C12orf42: variants seen among roughly 807,000 people sequenced by gnomAD.
C12orf42 encodes the protein uncharacterized protein C12orf42.
C12orf42 carries 25 observed loss-of-function variants against 21.6 expected under a neutral mutation model. The observed-to-expected ratio is 1.16, with a 90% CI of 0.84 to 1.62. The LOEUF (loss-of-function observed/expected upper bound fraction) is 1.62, where lower values mean the gene tolerates loss of function less well. C12orf42 is among the 40% of genes most tolerant of loss of function. The pLI, the probability that C12orf42 is intolerant of heterozygous loss-of-function variation, is 0.00. For synonymous variants in C12orf42, 174 were observed against 175.0 expected (o/e 0.99, Z 0.05); for missense variants, 483 against 459.3 (o/e 1.05, Z -0.47).
the C12orf42 span, among the ~76,000 whole-genome samples, chr12:103,228,696 C>T: frequency 6.6e-6 from 1 of 152,004 alleles, no homozygotes; most frequent in African/African-American, 2.4e-5. Context: ...TGTAAATTTA[C>T]ATATTTCCCT....
At chr12:103,137,767 G>A in the C12orf42 span, among the ~76,000 whole-genome samples, 17 of 152,230 alleles carry the variant, frequency 1.1e-4, no homozygotes, top group African/African-American at 3.4e-4. Context: ...AATAAGCCAC[G>A]CAGAGAAAGA....
chr12:103,533,523 G>C, the C12orf42 span, among the ~76,000 whole-genome samples: 1 of 152,272 alleles, frequency 6.6e-6, no homozygotes, highest in South Asian at 2.1e-4. Context: ...GCCATGCCAG[G>C]CATGGTCTGG....
chr12:103,401,004 G>A (rs17033840), intron 3 of C12orf42, among the ~76,000 whole-genome samples: 22,827 of 152,008 alleles, frequency 0.15, 1,806 homozygotes, highest in African/African-American at 0.2. Flanking sequence ...ACAAAGCTCC[G>A]GTGGGACTGA....
At chr12:103,277,190 T>A (rs777211804) in exon 5 of C12orf42, 9 of 454,464 alleles carry the variant, frequency 2.0e-5, no homozygotes, top group Non-Finnish European at 4.0e-5. Flanking sequence ...AATTTCTGTG[T>A]GGCCTGTCCA....
chr12:103,478,504 T>C, intron 1 of C12orf42, 57 bp from the exon 2 acceptor site: 1 of 777,328 alleles, frequency 1.3e-6, no homozygotes, highest in Non-Finnish European at 2.0e-6. Context: ...ATGATAATAT[T>C]AGAGAAAAAA....
chr12:103,248,136 G>T (rs1295597083), intron 10 of C12orf42, among the ~76,000 whole-genome samples: 1 of 151,924 alleles, frequency 6.6e-6, no homozygotes, highest in Admixed American at 6.6e-5. Context: ...CTGTGCTTAA[G>T]ACCTAAAATT....
downstream of C12orf42, among the ~76,000 whole-genome samples, chr12:103,266,487 T>C (rs914871188): frequency 7.9e-5 from 12 of 152,260 alleles, no homozygotes; most frequent in African/African-American, 2.4e-4. Context: ...AGTAGCTATA[T>C]TTGTACCCCT....
the C12orf42 span, among the ~76,000 whole-genome samples, chr12:103,076,413 A>G: frequency 0.023 from 3,426 of 152,038 alleles, 56 homozygotes; most frequent in African/African-American, 0.044. Context: ...GCCTACCACC[A>G]TCATGTTGGC....
intron 2 of C12orf42, among the ~76,000 whole-genome samples, chr12:103,467,926 T>C (rs1373639967): frequency 6.6e-6 from 1 of 152,250 alleles, no homozygotes; most frequent in Admixed American, 6.5e-5. Context: ...ATTCTACCTA[T>C]ATGCAGATTA....
At chr12:103,252,715 T>C (rs971514934) in intron 10 of C12orf42, among the ~76,000 whole-genome samples, 1 of 152,220 alleles carries the variant, frequency 6.6e-6, no homozygotes, top group Non-Finnish European at 1.5e-5. Context: ...AATGAATAGA[T>C]TGCAAAAATT....
the C12orf42 span, among the ~76,000 whole-genome samples, chr12:103,507,946 G>A: frequency 2.0e-5 from 3 of 152,238 alleles, no homozygotes; most frequent in South Asian, 4.1e-4. Context: ...CCCGACTACC[G>A]TAGCTATTCA....
chr12:103,137,957 C>T, the C12orf42 span, among the ~76,000 whole-genome samples: 4 of 151,840 alleles, frequency 2.6e-5, no homozygotes, highest in African/African-American at 9.7e-5. Flanking sequence ...TGTTTGATAG[C>T]AGAGTATAAT....
chr12:103,339,478 T>A (rs2374243), intron 4 of C12orf42, among the ~76,000 whole-genome samples: 18,988 of 152,232 alleles, frequency 0.12, 1,490 homozygotes, highest in African/African-American at 0.23. Flanking sequence ...TCTGTGTTAG[T>A]TTGCTAAAGA....
At position 103,255,794 on chromosome 12, in the gene C12orf42, G is replaced by A. The variant is rs548787732; in HGVS notation, c.*1366+7532C>T. Among the ~76,000 whole-genome samples the A allele has an allele frequency of 2.6e-5, 4 of 151,618 alleles. No homozygotes were observed. The East Asian group carries it at 7.8e-4, about 29-fold the overall frequency. On this transcript the variant is annotated intron_variant and NMD_transcript_variant, in intron 10 of 10. Coordinates refer to the C12orf42 transcript ENST00000547347. ...TGGCCGGGCGCGATGGCTCACGCCT[G>A]TAATCCCAGCACTTTGGGAGGCCGA...
chr12:103,321,219 C>G, intron 4 of C12orf42, among the ~76,000 whole-genome samples: 1 of 150,916 alleles, frequency 6.6e-6, no homozygotes, highest in Non-Finnish European at 1.5e-5. Context: ...TGAACAGACA[C>G]TTCTCAAAAG....
At chr12:103,432,993 C>A (rs1950378927) in intron 2 of C12orf42, among the ~76,000 whole-genome samples, 1 of 152,078 alleles carries the variant, frequency 6.6e-6, no homozygotes, top group South Asian at 2.1e-4. Flanking sequence ...AGATTAAAAC[C>A]ATAAAGAAAA....
At chr12:103,492,015 G>A (rs1023149913) in intron 1 of C12orf42, among the ~76,000 whole-genome samples, 8 of 152,100 alleles carry the variant, frequency 5.3e-5, no homozygotes, top group African/African-American at 1.9e-4. Flanking sequence ...GGAGGGCAGT[G>A]GCACGATCTC....
At chr12:103,535,536 G>A in the C12orf42 span, among the ~76,000 whole-genome samples, 3 of 151,702 alleles carry the variant, frequency 2.0e-5, no homozygotes, top group African/African-American at 7.3e-5. Context: ...AGGCTAAGGA[G>A]GTTATATGTT....
the C12orf42 span, among the ~76,000 whole-genome samples, chr12:103,201,077 G>A: frequency 6.6e-6 from 1 of 152,174 alleles, no homozygotes; most frequent in Non-Finnish European, 1.5e-5. Context: ...CGGCAGATGA[G>A]GCAAAACTTC....
Sources: allele counts gnomAD v4.1 joint callset (sites outside exome capture counted in the v4.1 genomes callset), GRCh38; gene constraint gnomAD v4.1.1; transcripts MANE v1.5; gene names NCBI Gene and HGNC (gene_info 2026-07-23, HGNC 2026-07-21).